SLA: variants seen among roughly 807,000 people sequenced by gnomAD.
SLA encodes Src like adaptor.
Under a neutral mutation model 30.3 loss-of-function variants are expected in SLA, and 16 were observed. The observed-to-expected ratio is 0.53, with a 90% CI of 0.36 to 0.80. SLA has a LOEUF of 0.80. Among genes scored for constraint, SLA ranks in the 30% least tolerant of loss-of-function variants. The probability of loss-of-function intolerance (pLI) is 0.01; values close to 1 mark genes in which losing one functional copy is unlikely to be tolerated. For synonymous variants in SLA, 143 were observed against 137.8 expected (o/e 1.04, Z -0.26); for missense variants, 310 against 345.2 (o/e 0.90, Z 0.81).
Position 133,042,670 on chromosome 8 carries a change from T to A in SLA, c.484+2314A>T, listed in dbSNP as rs192361733. On this transcript the variant is annotated intron_variant, in intron 7 of 8. Transcript: ENST00000338087. ...AACCCCTGGTGCACAATTCCTCTCATTCTGTGTCTTTTTTTTTTTTTTTTT... is the reference window on the plus strand; with the variant it reads ...AACCCCTGGTGCACAATTCCTCTCAATCTGTGTCTTTTTTTTTTTTTTTTT... 1.7e-3 allele frequency among the ~76,000 whole-genome samples: 243 copies of A among 141,640 alleles called. 6 individuals are homozygous for A. The East Asian group carries it at 0.043, about 25-fold the overall frequency. The allele number at this position is 141,640 out of a possible 152,430, so 92.9% of individuals were successfully genotyped here.
Position 133,070,029 on chromosome 8 carries a change from A to AAAAAAAAAAC in SLA, c.-41+4823_-41+4824insGTTTTTTTTT, listed in dbSNP as rs376711807. 1.1e-4 allele frequency among the ~76,000 whole-genome samples: 12 copies of AAAAAAAAAAC among 109,798 alleles called. 1 individual carries two copies. Among genetic ancestry groups the AAAAAAAAAAC allele is most frequent in the East Asian group, 3.2e-4 (1 of 3,120 alleles). 72.0% of individuals were successfully genotyped at this position (109,798 alleles called of 152,430 possible). On this transcript the variant is annotated intron_variant, in intron 2 of 8. Coordinates refer to ENST00000338087, the MANE Select transcript of SLA (RefSeq NM_001045556.3). Reference sequence around the variant, plus strand: ...AAAAAAAAAAAAAAAAAAAAAAAGAAAGAAAGAAAGAAAAGAAAAGAAGAA... The same window carrying AAAAAAAAAAC: ...AAAAAAAAAAAAAAAAAAAAAAAGAAAAAAAAAAACAGAAAGAAAGAAAAGAAAAGAAGAA...
chr8:133,038,313 G>T lies in SLA; in HGVS notation c.*211C>A. On this transcript the variant is annotated 3_prime_UTR_variant, in exon 9 of 9. Coordinates refer to ENST00000338087, the MANE Select transcript of SLA (RefSeq NM_001045556.3). ...GACATGTCATGATCCAATGTTTCGT[G>T]ATGCCACAGCCCTGATCAGACACCA... is the stretch of plus-strand genomic sequence containing the variant. The T allele has an allele frequency of 1.7e-6, 1 of 589,588 alleles. No individual in the cohort carries two copies. Among genetic ancestry groups the T allele is most frequent in the Non-Finnish European group, 3.0e-6 (1 of 330,930 alleles). The allele number at this position is 589,588 out of a possible 1,614,324, so 36.5% of individuals were successfully genotyped here.
At chr8:133,050,456 C>T in intron 4 of SLA, 1 of 247,034 alleles carries the variant, frequency 4.0e-6, no homozygotes, top group African/African-American at 2.2e-5. Context: ...TGTTTTTTCT[C>T]ATCCGAAGGA....
intron 1 of SLA, among the ~76,000 whole-genome samples, chr8:133,091,218 C>T (rs1051750674): frequency 6.6e-6 from 1 of 152,248 alleles, no homozygotes; most frequent in Non-Finnish European, 1.5e-5. Context: ...TAGGAATTAA[C>T]TCCTCGATTC....
intron 8 of SLA, among the ~76,000 whole-genome samples, chr8:133,039,246 C>T (rs1837698599): frequency 1.3e-5 from 2 of 152,174 alleles, no homozygotes; most frequent in Admixed American, 1.3e-4. Flanking sequence ...TTATTCTAAC[C>T]CATTATTTTA....
chr8:133,073,777 C>T (rs564152452), intron 2 of SLA, among the ~76,000 whole-genome samples: 87 of 152,214 alleles, frequency 5.7e-4, no homozygotes, highest in African/African-American at 2.0e-3. Context: ...CTCGCTGAGG[C>T]TCCCCCAACC....
At chr8:133,096,979 C>T (rs1588087030) in intron 1 of SLA, among the ~76,000 whole-genome samples, 1 of 152,220 alleles carries the variant, frequency 6.6e-6, no homozygotes, top group South Asian at 2.1e-4. Flanking sequence ...ATGTGGCTAA[C>T]CCTGGAAGAG....
rs777143092 is a variant in SLA at position 133,038,709 on chromosome 8, T to C, written c.646A>G (p.Asn216Asp). ...AGGGACTCGTCTACCCCAAGCGGGT[T>C]CTCTGTTCCCTCGGGGTCCTCCTGC... Reference protein sequence around the residue: ...RLQEDPEGTENPLGVDESLFS... With the variant: ...RLQEDPEGTEDPLGVDESLFS... Residue 216 changes from asparagine (N) to aspartate (D), a missense_variant, in exon 9 of 9, where the codon AAC becomes GAC. Physicochemically the swap from Asn to Asp is conservative, Grantham distance 23. Coordinates refer to ENST00000338087, the MANE Select transcript of SLA (RefSeq NM_001045556.3). 2.5e-6 allele frequency: 4 copies of C among 1,614,050 alleles called. No individual in the cohort carries two copies. The highest frequency in any genetic ancestry group is 2.5e-6 in the Non-Finnish European group (3 of 1,179,972).
chr8:133,060,294 T>C, intron 2 of SLA, 94 bp from the exon 3 acceptor site: 1 of 1,578,286 alleles, frequency 6.3e-7, no homozygotes, highest in South Asian at 1.1e-5. Flanking sequence ...GCATCATTTT[T>C]CTGGCAGCTT....
At position 133,050,829 on chromosome 8, in the gene SLA, G is replaced by A. The variant is rs781500964; in HGVS notation, c.148C>T (p.Arg50Cys). ...PPIFRRGEKL[R>C]VISDEGGWWK... is the part of the protein sequence containing the mutation. Reference sequence around the variant, plus strand: ...GAGCTGACTCACTCAGAAATCACACGCAGTTTCTCCCCTCGGCGGAATATC... The same window carrying A: ...GAGCTGACTCACTCAGAAATCACACACAGTTTCTCCCCTCGGCGGAATATC... Residue 50 changes from arginine to cysteine, a missense_variant, in exon 4 of 9, where the codon CGT (arginine) becomes TGT (cysteine). Transcript: ENST00000338087. 6.2e-6 allele frequency: 10 copies of A among 1,606,834 alleles called. No homozygotes were observed. In the East Asian group the frequency reaches 6.7e-5, roughly 11 times the overall value.
intron 1 of SLA, among the ~76,000 whole-genome samples, chr8:133,093,787 G>T (rs1847961544): frequency 1.3e-5 from 2 of 152,158 alleles, no homozygotes; most frequent in Non-Finnish European, 2.9e-5. Flanking sequence ...ACTTCACAGT[G>T]GCTCAGTGTT....
chr8:133,067,249 G>A (rs535311448), intron 2 of SLA, among the ~76,000 whole-genome samples: 1 of 152,214 alleles, frequency 6.6e-6, no homozygotes, highest in East Asian at 1.9e-4. Flanking sequence ...ATAGTCCCCT[G>A]CTCTCCTCTA....
At chr8:133,060,240 C>G (rs1209702175) in intron 2 of SLA, 40 bp from the exon 3 acceptor site, 2 of 1,612,474 alleles carry the variant, frequency 1.2e-6, no homozygotes, top group East Asian at 2.2e-5. Context: ...CAACCGTGCC[C>G]TGAGCCCTCC....
intron 2 of SLA, among the ~76,000 whole-genome samples, chr8:133,072,448 GGATAGATA>G (rs1204912887): frequency 1.3e-5 from 2 of 151,974 alleles, no homozygotes; most frequent in African/African-American, 4.8e-5. Flanking sequence ...ATGGATAGAT[GGATAGATA>G]GATAGATGGA....
intron 4 of SLA, chr8:133,050,211 C>A (rs755216573): frequency 2.2e-4 from 123 of 553,114 alleles, no homozygotes; most frequent in Non-Finnish European, 3.8e-4. Flanking sequence ...GGTAAACCCT[C>A]CCATGTGCTA....
At chr8:133,069,810 G>A (rs1049038055) in intron 2 of SLA, among the ~76,000 whole-genome samples, 13 of 151,832 alleles carry the variant, frequency 8.6e-5, no homozygotes, top group African/African-American at 1.7e-4. Context: ...AGACCAGCCC[G>A]GCCAACATGG....
intron 5 of SLA, chr8:133,049,181 C>T (rs755901447): frequency 7.2e-5 from 33 of 456,294 alleles, no homozygotes; most frequent in East Asian, 3.5e-4. Flanking sequence ...CTCACTGGAA[C>T]GACTACAGGG....
chr8:133,071,384 C>T (rs1239869457), intron 2 of SLA, among the ~76,000 whole-genome samples: 1 of 152,214 alleles, frequency 6.6e-6, no homozygotes, highest in East Asian at 1.9e-4. Context: ...CTCCCAGCTA[C>T]CGTGTCCTTA....
intron 1 of SLA, chr8:133,095,089 G>A: frequency 6.2e-7 from 1 of 1,614,146 alleles, no homozygotes; most frequent in Non-Finnish European, 8.5e-7. Flanking sequence ...CCATGAGAGG[G>A]CTCAGCAGCA....
Sources: allele counts gnomAD v4.1 joint callset (sites outside exome capture counted in the v4.1 genomes callset), GRCh38; gene constraint gnomAD v4.1.1; transcripts MANE v1.5; gene names NCBI Gene and HGNC (gene_info 2026-07-23, HGNC 2026-07-21).